The following UNC13B variants were observed in gnomAD, a reference collection of about 807,000 sequenced individuals.
UNC13B encodes the protein protein unc-13 homolog B.
Under a neutral mutation model 211.0 loss-of-function variants are expected in UNC13B, and 144 were observed. The ratio of observed to expected loss-of-function variants is 0.68; its 90% CI spans 0.60 to 0.78. The LOEUF (loss-of-function observed/expected upper bound fraction) is 0.78, where lower values mean the gene tolerates loss of function less well. Ranked by LOEUF, UNC13B falls within the 30% of genes least tolerant of loss-of-function variation. The pLI is 0.00. For missense variants in UNC13B, 1,777 were observed against 2,002.0 expected (o/e 0.89, Z 2.14); for synonymous variants, 709 against 725.8 (o/e 0.98, Z 0.37).
At chr9:35,177,246 G>A (rs1821687933) in intron 1 of UNC13B, among the ~76,000 whole-genome samples, 3 of 152,084 alleles carry the variant, frequency 2.0e-5, no homozygotes, top group Non-Finnish European at 1.5e-5. Context: ...CCAAGAGTGC[G>A]CCATCTCACT....
chr9:35,390,916 G>A (rs1835492614), intron 26 of UNC13B, among the ~76,000 whole-genome samples: 2 of 152,234 alleles, frequency 1.3e-5, no homozygotes, highest in South Asian at 2.1e-4. Context: ...GAAAATGGCT[G>A]TGTGGATGTA....
intron 17 of UNC13B, among the ~76,000 whole-genome samples, chr9:35,380,202 C>T (rs117468100): frequency 0.01 from 1,553 of 152,194 alleles, 29 homozygotes; most frequent in Non-Finnish European, 0.012. Context: ...TCAGAATTGA[C>T]CTGAATTACT....
intron 1 of UNC13B, among the ~76,000 whole-genome samples, chr9:35,182,153 T>A (rs1299840977): frequency 6.6e-6 from 1 of 152,222 alleles, no homozygotes; most frequent in Non-Finnish European, 1.5e-5. Flanking sequence ...CCAATATCTG[T>A]GTGTTAGAGC....
chr9:35,353,696 A>G lies in UNC13B; in HGVS notation c.9415-13251A>G, dbSNP rs903658482. On this transcript the variant is annotated intron_variant, in intron 11 of 39. Transcript: ENST00000635942. ...GTGTACAGAGACCGTTTACCTCAACAAGTGCATCAACAATTTTAAGAATGT... is the reference window on the plus strand; with the variant it reads ...GTGTACAGAGACCGTTTACCTCAACGAGTGCATCAACAATTTTAAGAATGT... The G allele has an allele frequency of 1.1e-5, 14 of 1,232,056 alleles. No homozygotes were observed. In the African/African-American group the frequency reaches 1.6e-4, roughly 14 times the overall value. 76.3% of individuals were successfully genotyped at this position (1,232,056 alleles called of 1,614,324 possible).
intron 1 of UNC13B, among the ~76,000 whole-genome samples, chr9:35,191,737 A>G (rs770387893): frequency 6.6e-6 from 1 of 152,250 alleles, no homozygotes; most frequent in Non-Finnish European, 1.5e-5. Context: ...GGCAGAGACT[A>G]AAACAAAGTA....
At chr9:35,200,668 T>C (rs1823230256) in intron 1 of UNC13B, among the ~76,000 whole-genome samples, 1 of 152,202 alleles carries the variant, frequency 6.6e-6, no homozygotes, top group East Asian at 1.9e-4. Context: ...ATGCTTGTGA[T>C]TTTTGCACAT....
chr9:35,229,541 G>A (rs1825077894), intron 2 of UNC13B, among the ~76,000 whole-genome samples: 2 of 152,102 alleles, frequency 1.3e-5, no homozygotes, highest in Non-Finnish European at 2.9e-5. Context: ...TCTTTTGAGA[G>A]GGAATCAGGT....
chr9:35,341,445 C>T (rs1484336655), intron 11 of UNC13B, among the ~76,000 whole-genome samples: 1 of 152,172 alleles, frequency 6.6e-6, no homozygotes, highest in Non-Finnish European at 1.5e-5. Flanking sequence ...ACCAACCAAC[C>T]AACCAACTTA....
At chr9:35,342,280 G>C (rs1207852658) in intron 11 of UNC13B, 2 of 985,608 alleles carry the variant, frequency 2.0e-6, no homozygotes, top group Non-Finnish European at 2.4e-6. Flanking sequence ...TCTAAAACTT[G>C]AGAATTCATG....
intron 7 of UNC13B, among the ~76,000 whole-genome samples, chr9:35,292,565 A>T (rs2131783369): frequency 6.6e-6 from 1 of 152,304 alleles, no homozygotes. Flanking sequence ...CCCTATCAGG[A>T]AGTGATTTTA....
chr9:35,197,581 G>A (rs775372449), intron 1 of UNC13B, among the ~76,000 whole-genome samples: 4 of 152,238 alleles, frequency 2.6e-5, no homozygotes, highest in East Asian at 1.9e-4. Flanking sequence ...TATGTGATAC[G>A]GTTTGGATTT....
At chr9:35,233,532 G>T (rs1315280854) in intron 3 of UNC13B, among the ~76,000 whole-genome samples, 3 of 151,290 alleles carry the variant, frequency 2.0e-5, no homozygotes, top group Admixed American at 2.0e-4. Context: ...TATTTTTTTT[G>T]GTTCACTCCT....
intron 4 of UNC13B, among the ~76,000 whole-genome samples, chr9:35,236,840 C>A (rs1467019763): frequency 6.6e-6 from 1 of 152,086 alleles, no homozygotes; most frequent in African/African-American, 2.4e-5. Context: ...GGTAGATAGC[C>A]CCTTCTGAGG....
At chr9:35,381,065 A>G in intron 18 of UNC13B, 35 bp from the exon 19 acceptor site, 1 of 1,591,788 alleles carries the variant, frequency 6.3e-7, no homozygotes, top group Non-Finnish European at 8.6e-7. Flanking sequence ...GTCTAGTTGC[A>G]TTGGTGTCAA....
intron 7 of UNC13B, among the ~76,000 whole-genome samples, chr9:35,275,785 G>A (rs915761442): frequency 3.3e-5 from 5 of 151,948 alleles, no homozygotes; most frequent in East Asian, 1.9e-4. Flanking sequence ...TAGAGACAGC[G>A]TTTCACAATG....
At chr9:35,358,068 A>T (rs1833149864) in intron 11 of UNC13B, among the ~76,000 whole-genome samples, 1 of 152,252 alleles carries the variant, frequency 6.6e-6, no homozygotes, top group Admixed American at 6.5e-5. Context: ...TGACTGGCTT[A>T]TTCCACTTAG....
intron 7 of UNC13B, among the ~76,000 whole-genome samples, chr9:35,266,038 A>G (rs896068517): frequency 4.6e-5 from 7 of 152,026 alleles, no homozygotes; most frequent in African/African-American, 1.7e-4. Context: ...CCTGACCTCA[A>G]GTGATCTGCC....
At chr9:35,225,937 A>G (rs1398412107) in intron 1 of UNC13B, among the ~76,000 whole-genome samples, 2 of 151,902 alleles carry the variant, frequency 1.3e-5, no homozygotes, top group Non-Finnish European at 2.9e-5. Context: ...TCCTTGCACC[A>G]CTCAGCAGCA....
At chr9:35,200,557 TGTAA>T in intron 1 of UNC13B, among the ~76,000 whole-genome samples, 1 of 152,336 alleles carries the variant, frequency 6.6e-6, no homozygotes, top group South Asian at 2.1e-4. Flanking sequence ...TCACATCCCT[TGTAA>T]GTTGGATTCC....
Sources: gnomAD v4.1 joint callset for allele counts (sites outside exome capture counted in the v4.1 genomes callset) on GRCh38, gnomAD v4.1.1 for gene constraint, MANE v1.5 for transcripts, NCBI Gene and HGNC (gene_info 2026-07-23, HGNC 2026-07-21) for gene names.